Variants in LRRTM4 observed in about 807,000 individuals in gnomAD.
LRRTM4 encodes the protein leucine rich repeat transmembrane neuronal 4.
In LRRTM4, 25 loss-of-function variants were observed where a neutral mutation model predicts 47.6. The observed-to-expected ratio is 0.53, with a 90% CI of 0.38 to 0.73. The LOEUF (loss-of-function observed/expected upper bound fraction) is 0.73, where lower values mean the gene tolerates loss of function less well. Among genes scored for constraint, LRRTM4 ranks in the 30% least tolerant of loss-of-function variants. The probability of loss-of-function intolerance (pLI) is 0.00; values close to 1 mark genes in which losing one functional copy is unlikely to be tolerated. For missense variants in LRRTM4, 638 were observed against 713.4 expected, an observed-to-expected ratio of 0.89 and a Z score of 1.20; for synonymous variants, 311 against 269.5, an observed-to-expected ratio of 1.15 and a Z score of -1.51.
At chr2:76,814,678 T>C (rs1670846977) in intron 3 of LRRTM4, among the ~76,000 whole-genome samples, 1 of 151,940 alleles carries the variant, frequency 6.6e-6, no homozygotes, top group African/African-American at 2.4e-5. Context: ...CCCCATTTTA[T>C]ATAAGGGACT....
chr2:76,780,121 C>T lies in LRRTM4; in HGVS notation c.1552-31205G>A, dbSNP rs560173691. On this transcript the variant is annotated intron_variant, in intron 3 of 3. Coordinates refer to ENST00000409884, the MANE Select transcript of LRRTM4 (RefSeq NM_001134745.3). ...CTCTTCTGGCTTGCAGGGTTTCTGC[C>T]GAGAGATCCGCTGTTAGTCTGATGG... 4.1e-4 allele frequency among the ~76,000 whole-genome samples: 63 copies of T among 152,234 alleles called. 1 individual carries two copies. The highest frequency in any genetic ancestry group is 1.9e-3 in the South Asian group (9 of 4,828).
At chr2:77,295,149 T>C (rs1212279506) in intron 3 of LRRTM4, among the ~76,000 whole-genome samples, 2 of 152,292 alleles carry the variant, frequency 1.3e-5, no homozygotes, top group Non-Finnish European at 2.9e-5. Flanking sequence ...TTTCTGGAAA[T>C]GCAGATATGG....
chr2:77,056,948 A>G (rs1455828706), intron 3 of LRRTM4, among the ~76,000 whole-genome samples: 1 of 152,204 alleles, frequency 6.6e-6, no homozygotes, highest in Non-Finnish European at 1.5e-5. Flanking sequence ...GATTTGGCAA[A>G]CTCAACCTGT....
intron 3 of LRRTM4, among the ~76,000 whole-genome samples, chr2:77,112,756 T>G (rs1226999600): frequency 6.6e-6 from 1 of 152,190 alleles, no homozygotes; most frequent in African/African-American, 2.4e-5. Flanking sequence ...CCAGTTTGAT[T>G]GCTGTCCTTT....
chr2:77,123,236 A>G (rs561684535), intron 3 of LRRTM4, among the ~76,000 whole-genome samples: 18 of 151,702 alleles, frequency 1.2e-4, no homozygotes, highest in Admixed American at 7.2e-4. Context: ...AGAGAGAGAG[A>G]GAGAGAGAAA....
At chr2:77,363,259 T>C (rs1044642211) in intron 3 of LRRTM4, among the ~76,000 whole-genome samples, 24 of 152,210 alleles carry the variant, frequency 1.6e-4, no homozygotes, top group Admixed American at 1.3e-4. Context: ...TAATATGTAG[T>C]TGTCATTGGC....
At chr2:76,756,706 A>G (rs1558634213) in intron 3 of LRRTM4, among the ~76,000 whole-genome samples, 1 of 152,108 alleles carries the variant, frequency 6.6e-6, no homozygotes, top group African/African-American at 2.4e-5. Context: ...GGCCCATGCA[A>G]TCTCTGAGCT....
intron 3 of LRRTM4, among the ~76,000 whole-genome samples, chr2:76,982,905 G>T (rs1052023399): frequency 6.6e-6 from 1 of 151,930 alleles, no homozygotes; most frequent in Admixed American, 6.6e-5. Flanking sequence ...TTACAGACAT[G>T]GCTCTTTTGC....
intron 3 of LRRTM4, among the ~76,000 whole-genome samples, chr2:76,832,059 T>C (rs1344577515): frequency 6.6e-6 from 1 of 152,104 alleles, no homozygotes; most frequent in Non-Finnish European, 1.5e-5. Context: ...ACCCATGAGT[T>C]TTTTCCATGT....
At chr2:76,882,769 T>C (rs1672967921) in intron 3 of LRRTM4, among the ~76,000 whole-genome samples, 1 of 151,970 alleles carries the variant, frequency 6.6e-6, no homozygotes, top group Non-Finnish European at 1.5e-5. Context: ...ACTTTTTCCA[T>C]TCAGGTTATT....
At chr2:77,332,617 A>G (rs186886662) in intron 3 of LRRTM4, among the ~76,000 whole-genome samples, 39 of 152,316 alleles carry the variant, frequency 2.6e-4, no homozygotes, top group Non-Finnish European at 5.3e-4. Flanking sequence ...CAATCAGAGA[A>G]TAATCAGATT....
intron 3 of LRRTM4, among the ~76,000 whole-genome samples, chr2:77,104,829 A>C (rs1203087192): frequency 6.6e-6 from 1 of 152,180 alleles, no homozygotes; most frequent in Non-Finnish European, 1.5e-5. Flanking sequence ...CTTCAGGGCA[A>C]GGCCCCATAC....
chr2:77,208,570 A>G (rs1674205979), intron 3 of LRRTM4, among the ~76,000 whole-genome samples: 1 of 152,100 alleles, frequency 6.6e-6, no homozygotes, highest in Non-Finnish European at 1.5e-5. Context: ...TCACACATAT[A>G]TATGTGTAAT....
intron 3 of LRRTM4, among the ~76,000 whole-genome samples, chr2:77,388,343 C>G (rs1226417896): frequency 6.6e-6 from 1 of 152,052 alleles, no homozygotes; most frequent in Non-Finnish European, 1.5e-5. Flanking sequence ...ACAAGGCCAG[C>G]ATATTATTTC....
At chr2:77,166,713 C>T (rs936874280) in intron 3 of LRRTM4, among the ~76,000 whole-genome samples, 5 of 152,066 alleles carry the variant, frequency 3.3e-5, no homozygotes, top group African/African-American at 1.2e-4. Context: ...GGAAATGATT[C>T]CCTATTTAAT....
chr2:77,086,409 A>AGTTTGTGTGT (rs1553385149), intron 3 of LRRTM4, among the ~76,000 whole-genome samples: 1 of 150,608 alleles, frequency 6.6e-6, no homozygotes, highest in African/African-American at 2.5e-5. Context: ...AAACATTTTT[A>AGTTTGTGTGT]GTGTGTGTAT....
chr2:76,958,296 G>C (rs1271174215), intron 3 of LRRTM4, among the ~76,000 whole-genome samples: 1 of 151,724 alleles, frequency 6.6e-6, no homozygotes, highest in African/African-American at 2.4e-5. Flanking sequence ...AGAAACTCTT[G>C]ATTGCTGAAA....
chr2:77,011,323 A>G (rs1677864338), intron 3 of LRRTM4, among the ~76,000 whole-genome samples: 1 of 152,138 alleles, frequency 6.6e-6, no homozygotes, highest in African/African-American at 2.4e-5. Context: ...AATTCAGACT[A>G]GTTGCATTTA....
chr2:77,205,943 C>G (rs1211501387), intron 3 of LRRTM4, among the ~76,000 whole-genome samples: 1 of 151,670 alleles, frequency 6.6e-6, no homozygotes, highest in African/African-American at 2.4e-5. Flanking sequence ...TCAAGTGATC[C>G]TCCCACCTCA....
Sources: allele counts gnomAD v4.1 joint callset (sites outside exome capture counted in the v4.1 genomes callset), GRCh38; gene constraint gnomAD v4.1.1; transcripts MANE v1.5; gene names NCBI Gene and HGNC (gene_info 2026-07-23, HGNC 2026-07-21).